The following OTUD7A variants were observed in gnomAD, a reference collection of about 807,000 sequenced individuals.
OTUD7A encodes the protein OTU deubiquitinase 7A.
OTUD7A carries 12 observed loss-of-function variants against 65.7 expected under a neutral mutation model. That is an observed-to-expected ratio of 0.18 (90% confidence interval 0.12 to 0.30). OTUD7A has a LOEUF of 0.30. OTUD7A is among the 10% of genes least tolerant of loss of function. The pLI is 1.00. For missense variants in OTUD7A, 1,148 were observed against 1,304.8 expected (o/e 0.88, Z 1.85); for synonymous variants, 641 against 586.3 (o/e 1.09, Z -1.35).
At chr15:31,657,750 T>G (rs1892035537) in intron 1 of OTUD7A, among the ~76,000 whole-genome samples, 1 of 152,136 alleles carries the variant, frequency 6.6e-6, no homozygotes, top group South Asian at 2.1e-4. Flanking sequence ...ACTGGGCTGG[T>G]GGGGACATTT....
intron 6 of OTUD7A, among the ~76,000 whole-genome samples, chr15:31,528,373 G>C (rs1483915306): frequency 6.6e-6 from 1 of 152,230 alleles, no homozygotes; most frequent in Non-Finnish European, 1.5e-5. Context: ...AGAGGGAAAG[G>C]TGGCTAAAGT....
intron 1 of OTUD7A, among the ~76,000 whole-genome samples, chr15:31,827,178 T>C (rs1033523187): frequency 4.6e-5 from 7 of 152,218 alleles, no homozygotes; most frequent in African/African-American, 1.7e-4. Flanking sequence ...GATAAAGACA[T>C]AACTGAGACT....
At chr15:31,635,117 T>C (rs1470859834) in intron 3 of OTUD7A, among the ~76,000 whole-genome samples, 1 of 152,210 alleles carries the variant, frequency 6.6e-6, no homozygotes, top group Non-Finnish European at 1.5e-5. Flanking sequence ...CCTCCAAGTC[T>C]GTGACTGAAG....
intron 1 of OTUD7A, among the ~76,000 whole-genome samples, chr15:31,852,637 T>C (rs751435399): frequency 7.2e-5 from 11 of 152,212 alleles, no homozygotes; most frequent in Non-Finnish European, 1.5e-4. Flanking sequence ...AGACAGCTTG[T>C]GCCATGTGAG....
chr15:31,632,193 C>T (rs567159569), intron 3 of OTUD7A, among the ~76,000 whole-genome samples: 9 of 152,298 alleles, frequency 5.9e-5, no homozygotes, highest in South Asian at 2.1e-4. Context: ...AGTTTTTCTG[C>T]TCTGTTTTTT....
At chr15:31,634,534 CCT>C (rs2141254153) in intron 3 of OTUD7A, among the ~76,000 whole-genome samples, 1 of 152,356 alleles carries the variant, frequency 6.6e-6, no homozygotes, top group East Asian at 1.9e-4. Context: ...ACCCACCATG[CCT>C]CTGTCTGTCA....
At chr15:31,863,112 C>G (rs186938881) in intron 1 of OTUD7A, among the ~76,000 whole-genome samples, 15 of 152,352 alleles carry the variant, frequency 9.8e-5, no homozygotes, top group African/African-American at 1.4e-4. Flanking sequence ...CCAGGTCACG[C>G]TGATGCTAGA....
At chr15:31,704,299 C>A (rs1281134472) in intron 1 of OTUD7A, among the ~76,000 whole-genome samples, 2 of 119,060 alleles carry the variant, frequency 1.7e-5, no homozygotes, top group African/African-American at 5.7e-5. Context: ...ACATACTTTG[C>A]CCACTCCTGG....
At chr15:31,674,956 T>G (rs1015477876) in intron 1 of OTUD7A, among the ~76,000 whole-genome samples, 9 of 152,170 alleles carry the variant, frequency 5.9e-5, no homozygotes, top group African/African-American at 2.2e-4. Context: ...AGTCCACCCG[T>G]GGACTTCTTA....
chr15:31,827,139 T>C (rs766721165), intron 1 of OTUD7A, among the ~76,000 whole-genome samples: 2 of 152,206 alleles, frequency 1.3e-5, no homozygotes, highest in Non-Finnish European at 2.9e-5. Context: ...TGGTACCAAT[T>C]TACTGTATTA....
chr15:31,805,672 G>C (rs1338730960), intron 1 of OTUD7A, among the ~76,000 whole-genome samples: 2 of 152,190 alleles, frequency 1.3e-5, no homozygotes, highest in Non-Finnish European at 2.9e-5. Flanking sequence ...AGATGAATGT[G>C]AAGAGAGTTA....
At chr15:31,537,010 C>T (rs140875225) in intron 5 of OTUD7A, among the ~76,000 whole-genome samples, 6 of 151,992 alleles carry the variant, frequency 3.9e-5, no homozygotes, top group East Asian at 1.9e-4. Context: ...ATACATGTAA[C>T]GAAATTTCAG....
chr15:31,533,983 T>C (rs1372890377), intron 5 of OTUD7A, among the ~76,000 whole-genome samples: 2 of 152,172 alleles, frequency 1.3e-5, no homozygotes, highest in Admixed American at 6.5e-5. Context: ...TTTGATAAAG[T>C]ATGTGTATAT....
chr15:31,752,266 T>C (rs1894658017), intron 1 of OTUD7A, among the ~76,000 whole-genome samples: 2 of 152,164 alleles, frequency 1.3e-5, no homozygotes, highest in South Asian at 4.1e-4. Flanking sequence ...TACATACAAA[T>C]ACAGTACAAC....
At chr15:31,701,693 G>A (rs1595715642) in intron 1 of OTUD7A, among the ~76,000 whole-genome samples, 1 of 151,698 alleles carries the variant, frequency 6.6e-6, no homozygotes, top group East Asian at 1.9e-4. Context: ...TCCAGGCCTA[G>A]ATGGTTTCAC....
intron 8 of OTUD7A, among the ~76,000 whole-genome samples, chr15:31,524,350 C>T (rs1265603943): frequency 6.6e-6 from 1 of 151,884 alleles, no homozygotes; most frequent in Admixed American, 6.5e-5. Context: ...AATGATCAGA[C>T]CAAATTTTGA....
At chr15:31,624,418 G>C (rs1890890776) in intron 3 of OTUD7A, among the ~76,000 whole-genome samples, 1 of 152,108 alleles carries the variant, frequency 6.6e-6, no homozygotes, top group African/African-American at 2.4e-5. Context: ...ACAGAAGGAA[G>C]AAAACTTTCC....
intron 1 of OTUD7A, among the ~76,000 whole-genome samples, chr15:31,868,505 C>T (rs28542457): frequency 0.036 from 5,406 of 152,258 alleles, 347 homozygotes; most frequent in African/African-American, 0.12. Flanking sequence ...GAATCTCTGC[C>T]ACAACTCAAG....
At chr15:31,716,762 C>T (rs951549090) in intron 1 of OTUD7A, among the ~76,000 whole-genome samples, 1 of 150,658 alleles carries the variant, frequency 6.6e-6, no homozygotes, top group African/African-American at 2.4e-5. Flanking sequence ...CTGGACTACA[C>T]TATGCAGAAT....
Sources: gnomAD v4.1 joint callset for allele counts (sites outside exome capture counted in the v4.1 genomes callset) on GRCh38, gnomAD v4.1.1 for gene constraint, MANE v1.5 for transcripts, NCBI Gene and HGNC (gene_info 2026-07-23, HGNC 2026-07-21) for gene names.